The following SIM1 variants were observed in gnomAD, a reference collection of about 807,000 sequenced individuals.
SIM1 encodes the protein SIM bHLH transcription factor 1, also known as single-minded homolog 1.
SIM1 carries 18 observed loss-of-function variants against 78.2 expected under a neutral mutation model. That is an observed-to-expected ratio of 0.23 (90% CI 0.16 to 0.34). The LOEUF is 0.34. Among genes scored for constraint, SIM1 ranks in the 10% least tolerant of loss-of-function variants. The pLI, the probability that SIM1 is intolerant of heterozygous loss-of-function variation, is 1.00. For synonymous variants in SIM1, 417 were observed against 385.2 expected, an observed-to-expected ratio of 1.08 and a Z score of -0.97; for missense variants, 939 against 975.1, an observed-to-expected ratio of 0.96 and a Z score of 0.49.
At chr6:100,418,258 T>C (rs1241166886) in intron 10 of SIM1, among the ~76,000 whole-genome samples, 1 of 151,828 alleles carries the variant, frequency 6.6e-6, no homozygotes, top group Non-Finnish European at 1.5e-5. Context: ...AAGCTGATAC[T>C]ACAGGGAAGT....
At chr6:100,428,676 G>A (rs537716303) in intron 9 of SIM1, among the ~76,000 whole-genome samples, 5 of 144,018 alleles carry the variant, frequency 3.5e-5, no homozygotes, top group South Asian at 2.1e-4. Context: ...CGCCTTATCC[G>A]AGGGAGTACA....
intron 9 of SIM1, among the ~76,000 whole-genome samples, chr6:100,428,104 T>C (rs1771783739): frequency 1.3e-5 from 2 of 152,216 alleles, no homozygotes; most frequent in Non-Finnish European, 2.9e-5. Flanking sequence ...TTATAATTAA[T>C]AATGATCATT....
chr6:100,454,248 T>A (rs1161875600), intron 2 of SIM1, among the ~76,000 whole-genome samples: 1 of 152,140 alleles, frequency 6.6e-6, no homozygotes, highest in South Asian at 2.1e-4. Context: ...GAGCTTGTCC[T>A]AACACCAAGC....
intron 2 of SIM1, among the ~76,000 whole-genome samples, chr6:100,460,628 A>G (rs1437529831): frequency 6.6e-6 from 1 of 152,312 alleles, no homozygotes; most frequent in South Asian, 2.1e-4. Context: ...AACAAATTCC[A>G]TTTAACGCCA....
intron 2 of SIM1, 50 bp from the exon 3 acceptor site, chr6:100,453,894 G>T (rs1463190263): frequency 6.9e-7 from 1 of 1,454,716 alleles, no homozygotes; most frequent in Non-Finnish European, 9.5e-7. Context: ...GACCTGACAG[G>T]CAGTTTGGGA....
Position 100,458,170 on chromosome 6 carries a change from G to C in SIM1, c.176-4326C>G, listed in dbSNP as rs3778030. On this transcript the variant is annotated intron_variant, in intron 2 of 11. Coordinates refer to ENST00000369208, the MANE Select transcript of SIM1 (RefSeq NM_005068.3). ...GAGTTGGAGCCAGCCGCGAAAAGAC[G>C]GCAGAAACCCAAGGAGGGCGGGGTT... 1.1e-3 allele frequency among the ~76,000 whole-genome samples: 162 copies of C among 151,902 alleles called. 1 individual carries two copies. Among genetic ancestry groups the C allele is most frequent in the Admixed American group, 8.1e-3 (123 of 15,276 alleles).
chr6:100,396,773 G>A (rs544512367), intron 10 of SIM1, among the ~76,000 whole-genome samples: 5 of 152,106 alleles, frequency 3.3e-5, no homozygotes, highest in Admixed American at 6.5e-5. Context: ...CACTACAGCC[G>A]CATTACTTGA....
rs1771604159 is a variant in SIM1, at chr6:100,422,109, T to C, written c.999-1151A>G. ...ACTCCACTGGCTTCTTTTATTTTTC[T>C]TATTTTTCACTTTCTCTGATTCTCT... On this transcript the variant is annotated intron_variant, in intron 9 of 11. Transcript: ENST00000369208. 2.6e-5 allele frequency among the ~76,000 whole-genome samples: 4 copies of C among 152,366 alleles called. No individual in the cohort carries two copies. In the South Asian group the frequency reaches 6.2e-4, roughly 24 times the overall value.
chr6:100,391,825 G>A (rs1277490433), intron 11 of SIM1, among the ~76,000 whole-genome samples: 1 of 152,068 alleles, frequency 6.6e-6, no homozygotes, highest in African/African-American at 2.4e-5. Context: ...AAACATCTCA[G>A]CTTTACAGGT....
At position 100,389,867 on chromosome 6, in the gene SIM1, A is replaced by G. The variant is rs185156144; in HGVS notation, c.*494T>C. On this transcript the variant is annotated 3_prime_UTR_variant, in exon 12 of 12. Transcript: ENST00000369208. ...TATAAGATGTATCTCTCTCTTTCTC[A>G]GTTATTTTGGGAATGGAAATTTCGT... The G allele has an allele frequency of 6.6e-4, 263 of 398,490 alleles. 3 individuals are homozygous for G. Among genetic ancestry groups the G allele is most frequent in the Middle Eastern group, 3.2e-3 (5 of 1,582 alleles). 24.7% of individuals were successfully genotyped at this position (398,490 alleles called of 1,614,324 possible).
chr6:100,448,652 C>G lies in SIM1; in HGVS notation c.570G>C (p.Lys190Asn). Reference sequence around the variant, plus strand: ...ACATGTCCAGGCTGTACTGGCGGATCTTCAAGTAGCCGCTGCAGTGGATGA... The same window carrying G: ...ACATGTCCAGGCTGTACTGGCGGATGTTCAAGTAGCCGCTGCAGTGGATGA... ...YKVIHCSGYLKIRQYSLDMSP... is the reference protein window; with the variant it reads ...YKVIHCSGYLNIRQYSLDMSP... The change falls in exon 7 of 12, where the codon AAG (lysine) becomes AAC (asparagine). Residue 190 changes from lysine to asparagine, a missense_variant. Physicochemically the swap from Lys to Asn is moderately conservative, Grantham distance 94 (BLOSUM62 0). Around this residue, in one of 5 missense-constraint regions of SIM1, gnomAD observed 187 missense variants for 191.6 expected, o/e 0.98. Transcript: ENST00000369208. 6.2e-7 allele frequency: 1 copy of G among 1,612,524 alleles called. No individual in the cohort carries two copies. The highest frequency in any genetic ancestry group is 1.1e-5 in the South Asian group (1 of 91,088).
intron 10 of SIM1, among the ~76,000 whole-genome samples, chr6:100,419,939 C>A (rs919924344): frequency 6.6e-6 from 1 of 152,178 alleles, no homozygotes; most frequent in African/African-American, 2.4e-5. Flanking sequence ...CCGTGCCCAG[C>A]CTCCAGTTTG....
chr6:100,432,433 G>A (rs887612448), intron 9 of SIM1, among the ~76,000 whole-genome samples: 1 of 152,034 alleles, frequency 6.6e-6, no homozygotes, highest in African/African-American at 2.4e-5. Context: ...CTGAGTGGTT[G>A]TTGTTGTTGT....
chr6:100,392,287 A>C (rs891890820), intron 11 of SIM1, among the ~76,000 whole-genome samples: 10 of 152,220 alleles, frequency 6.6e-5, no homozygotes, highest in African/African-American at 2.4e-4. Flanking sequence ...CATAAATCAA[A>C]TTATTCTCAA....
intron 9 of SIM1, among the ~76,000 whole-genome samples, chr6:100,438,496 C>G (rs1178633330): frequency 2.0e-5 from 3 of 152,196 alleles, no homozygotes; most frequent in Non-Finnish European, 4.4e-5. Flanking sequence ...AAAGGGAACA[C>G]TTTCACACTA....
At chr6:100,430,011 A>C (rs1002327602) in intron 9 of SIM1, among the ~76,000 whole-genome samples, 1 of 152,182 alleles carries the variant, frequency 6.6e-6, no homozygotes, top group Non-Finnish European at 1.5e-5. Context: ...GAAGCCTTTC[A>C]TGTGAGCTAT....
chr6:100,391,224 A>C, intron 11 of SIM1, 133 bp from the exon 12 acceptor site: 14 of 963,912 alleles, frequency 1.5e-5, no homozygotes, highest in Non-Finnish European at 1.9e-5. Context: ...AAACAGGCTC[A>C]CATGATGTGA....
intron 9 of SIM1, among the ~76,000 whole-genome samples, chr6:100,429,221 T>G (rs2114515627): frequency 6.6e-6 from 1 of 152,186 alleles, no homozygotes; most frequent in African/African-American, 2.4e-5. Flanking sequence ...ATACAAAAAA[T>G]TAGCCTGGCG....
chr6:100,455,408 C>G (rs1290956100), intron 2 of SIM1, among the ~76,000 whole-genome samples: 1 of 152,188 alleles, frequency 6.6e-6, no homozygotes, highest in Non-Finnish European at 1.5e-5. Context: ...TGGAAGGGCC[C>G]CCGCCACAGC....
Sources: gnomAD v4.1 joint callset for allele counts (sites outside exome capture counted in the v4.1 genomes callset) on GRCh38, gnomAD v4.1.1 for gene constraint, gnomAD v4.1.1 regional missense constraint, MANE v1.5 for transcripts, NCBI Gene and HGNC (gene_info 2026-07-23, HGNC 2026-07-21) for gene names.